Variants in TAFA1 observed in about 807,000 individuals in gnomAD.
The protein encoded by TAFA1 is chemokine-like protein TAFA-1.
TAFA1 carries 4 observed loss-of-function variants against 18.5 expected under a neutral mutation model. That is an observed-to-expected ratio of 0.22 (90% confidence interval 0.11 to 0.49). The LOEUF (loss-of-function observed/expected upper bound fraction) is 0.49, where lower values mean the gene tolerates loss of function less well. TAFA1 is among the 20% of genes least tolerant of loss of function. The pLI, the probability that TAFA1 is intolerant of heterozygous loss-of-function variation, is 0.98. For synonymous variants in TAFA1, 56 were observed against 55.2 expected, an observed-to-expected ratio of 1.01 and a Z score of -0.06; for missense variants, 147 against 169.0, an observed-to-expected ratio of 0.87 and a Z score of 0.72.
At chr3:68,263,583 C>G (rs2067481065) in intron 2 of TAFA1, among the ~76,000 whole-genome samples, 1 of 151,712 alleles carries the variant, frequency 6.6e-6, no homozygotes, top group African/African-American at 2.4e-5. Flanking sequence ...TATGACCTCG[C>G]TTTACAGAAC....
intron 2 of TAFA1, among the ~76,000 whole-genome samples, chr3:68,389,187 A>C (rs538416014): frequency 6.6e-6 from 1 of 152,268 alleles, no homozygotes; most frequent in South Asian, 2.1e-4. Context: ...TATGTGTAAA[A>C]CCATGACATG....
chr3:68,257,318 C>T (rs1447939801), intron 2 of TAFA1, among the ~76,000 whole-genome samples: 1 of 152,104 alleles, frequency 6.6e-6, no homozygotes, highest in African/African-American at 2.4e-5. Context: ...ACAGGGCATA[C>T]TGACCTTTTC....
At position 68,137,497 on chromosome 3, in the gene TAFA1, G is replaced by C. The variant is rs775689702; in HGVS notation, c.118+130753G>C. 4.7e-4 allele frequency among the ~76,000 whole-genome samples: 72 copies of C among 152,174 alleles called. 2 individuals are homozygous for C. Among genetic ancestry groups the C allele is most frequent in the Non-Finnish European group, 1.2e-4 (8 of 68,020 alleles). On this transcript the variant is annotated intron_variant, in intron 2 of 4. Coordinates refer to ENST00000478136, the MANE Select transcript of TAFA1 (RefSeq NM_213609.4). ...TGGGACCGTGCAATACTGCATGATA[G>C]AAAGTTCTAGAAACTTGATAGGTTC... is the stretch of plus-strand genomic sequence containing the variant.
chr3:68,190,873 C>A (rs2066329770), intron 2 of TAFA1, among the ~76,000 whole-genome samples: 1 of 151,694 alleles, frequency 6.6e-6, no homozygotes, highest in South Asian at 2.1e-4. Context: ...TCCAATGAGA[C>A]TAGAGTATGA....
intron 2 of TAFA1, among the ~76,000 whole-genome samples, chr3:68,114,329 G>A (rs367662312): frequency 2.6e-5 from 4 of 152,260 alleles, no homozygotes; most frequent in African/African-American, 9.6e-5. Flanking sequence ...ACCTAGCCTA[G>A]AGCAGAAGAA....
At chr3:68,384,924 C>G (rs1377467036) in intron 2 of TAFA1, among the ~76,000 whole-genome samples, 1 of 152,028 alleles carries the variant, frequency 6.6e-6, no homozygotes, top group African/African-American at 2.4e-5. Flanking sequence ...TAATGCCCTT[C>G]TTTGTCTTTT....
intron 3 of TAFA1, among the ~76,000 whole-genome samples, chr3:68,474,158 T>C (rs2072049650): frequency 6.6e-6 from 1 of 151,654 alleles, no homozygotes; most frequent in Non-Finnish European, 1.5e-5. Context: ...AACATCATAA[T>C]ACTAGTATGT....
At chr3:68,114,191 G>A (rs953970676) in intron 2 of TAFA1, among the ~76,000 whole-genome samples, 4 of 152,016 alleles carry the variant, frequency 2.6e-5, no homozygotes, top group African/African-American at 7.2e-5. Flanking sequence ...CGTAGGAGAC[G>A]TGGCCTTGTC....
chr3:68,115,710 T>C lies in TAFA1; in HGVS notation c.118+108966T>C, dbSNP rs148756863. On this transcript the variant is annotated intron_variant, in intron 2 of 4. Transcript: ENST00000478136. ...CCGGTCAGCAGAAAACACAGCAGAATGCTAACCAGGAGATGCCTACACCTT... is the reference window on the plus strand; with the variant it reads ...CCGGTCAGCAGAAAACACAGCAGAACGCTAACCAGGAGATGCCTACACCTT... Among the ~76,000 whole-genome samples the C allele has an allele frequency of 1.2e-3, 186 of 152,296 alleles. 1 individual carries two copies. In the East Asian group the frequency reaches 0.029, roughly 24 times the overall value.
intron 3 of TAFA1, among the ~76,000 whole-genome samples, chr3:68,490,699 A>T (rs1339719067): frequency 6.6e-6 from 1 of 152,186 alleles, no homozygotes; most frequent in African/African-American, 2.4e-5. Context: ...TGCCATTTAC[A>T]TTAACATGTG....
intron 3 of TAFA1, among the ~76,000 whole-genome samples, chr3:68,418,742 C>G (rs139266741): frequency 8.5e-5 from 13 of 152,246 alleles, no homozygotes; most frequent in African/African-American, 2.9e-4. Flanking sequence ...AACTGATGAA[C>G]AAACAGAATT....
At chr3:68,223,900 A>C (rs1435313315) in intron 2 of TAFA1, among the ~76,000 whole-genome samples, 2 of 152,000 alleles carry the variant, frequency 1.3e-5, no homozygotes, top group East Asian at 3.9e-4. Context: ...ATGCAATGCT[A>C]TACAGCCATG....
At chr3:68,465,613 G>T (rs1049378147) in intron 3 of TAFA1, among the ~76,000 whole-genome samples, 4 of 152,104 alleles carry the variant, frequency 2.6e-5, no homozygotes, top group Non-Finnish European at 5.9e-5. Flanking sequence ...TAGAATAGTG[G>T]GTCTTCTATC....
intron 3 of TAFA1, among the ~76,000 whole-genome samples, chr3:68,461,699 C>G (rs1321751849): frequency 1.3e-5 from 2 of 151,394 alleles, no homozygotes; most frequent in Non-Finnish European, 2.9e-5. Context: ...AAGCAGAAGA[C>G]AGTTGCCTGT....
intron 2 of TAFA1, among the ~76,000 whole-genome samples, chr3:68,300,186 G>A (rs1252006203): frequency 6.6e-6 from 1 of 152,168 alleles, no homozygotes; most frequent in Non-Finnish European, 1.5e-5. Flanking sequence ...CCAGGAGGGG[G>A]ACTTTACCCT....
chr3:68,048,977 T>A lies in TAFA1; in HGVS notation c.118+42233T>A, dbSNP rs531642281. The stretch of plus-strand genomic sequence containing the variant: ...GTTTCTTTTCTTTGGGGCATATACC[T>A]AGCAGTGGGATTACTGAATCATACG... On this transcript the variant is annotated intron_variant, in intron 2 of 4. Coordinates refer to ENST00000478136, the MANE Select transcript of TAFA1 (RefSeq NM_213609.4). Among the ~76,000 whole-genome samples the A allele has an allele frequency of 4.6e-5, 7 of 152,338 alleles. 1 individual carries two copies. Among genetic ancestry groups the A allele is most frequent in the African/African-American group, 1.4e-4 (6 of 41,596 alleles).
intron 2 of TAFA1, among the ~76,000 whole-genome samples, chr3:68,391,771 G>A (rs2070254354): frequency 1.3e-5 from 2 of 152,138 alleles, no homozygotes; most frequent in South Asian, 4.1e-4. Flanking sequence ...AGCTTTATAA[G>A]TGAAGGAGAA....
chr3:68,395,134 G>C (rs1339532260), intron 2 of TAFA1, among the ~76,000 whole-genome samples: 2 of 151,822 alleles, frequency 1.3e-5, no homozygotes, highest in Non-Finnish European at 2.9e-5. Flanking sequence ...ATGGCCAAAG[G>C]ATATAAACAA....
In TAFA1 at chr3:68,250,637, C is replaced by T. The variant is rs186444402; in HGVS notation, c.119-166643C>T. Among the ~76,000 whole-genome samples the T allele has an allele frequency of 3.1e-3, 467 of 152,142 alleles. 2 individuals are homozygous for T. Among genetic ancestry groups the T allele is most frequent in the African/African-American group, 0.011 (447 of 41,494 alleles). On this transcript the variant is annotated intron_variant, in intron 2 of 4. Transcript: ENST00000478136. ...GAGGTACCTTGCATGCTTTAAAATT[C>T]CCACCTATTACTTATTTTTTTAGGT...
Sources: allele counts gnomAD v4.1 joint callset (sites outside exome capture counted in the v4.1 genomes callset), GRCh38; gene constraint gnomAD v4.1.1; transcripts MANE v1.5; gene names NCBI Gene and HGNC (gene_info 2026-07-23, HGNC 2026-07-21).